POMT2: variants seen among roughly 807,000 people sequenced by gnomAD.
The protein encoded by POMT2 is protein O-mannosyl-transferase 2.
In POMT2, 75 loss-of-function variants were observed where a neutral mutation model predicts 100.0. The observed-to-expected ratio is 0.75, with a 90% CI of 0.62 to 0.91. The LOEUF (loss-of-function observed/expected upper bound fraction) is 0.91. POMT2 is among the 40% of genes least tolerant of loss of function. POMT2 has a pLI of 0.00. For missense variants in POMT2, 940 were observed against 955.1 expected (o/e 0.98, Z 0.21); for synonymous variants, 378 against 374.1 (o/e 1.01, Z -0.12).
At chr14:77,287,428 AAATTT>A (rs1167130876) in intron 11 of POMT2, among the ~76,000 whole-genome samples, 1 of 151,962 alleles carries the variant, frequency 6.6e-6, no homozygotes, top group Non-Finnish European at 1.5e-5. Context: ...ATGACAAATG[AAATTT>A]ATTTAATAAA....
Position 77,299,558 on chromosome 14 carries a change from T to A in POMT2, c.820A>T (p.Thr274Ser). ...LFGDLSLSLV[T>S]VGKHLTARVL... ...CGAGCAGTCAGGTGTTTTCCCACAG[T>A]CACCTGCAAACAGAGGCCAGCGTGG... Residue 274 changes from threonine (T) to serine (S), a missense_variant, in exon 7 of 21, where the codon ACT becomes TCT. Thr to Ser is a moderately conservative substitution (Grantham distance 58). Transcript: ENST00000261534. 1.2e-6 allele frequency: 2 copies of A among 1,613,928 alleles called. No homozygotes were observed. The highest frequency in any genetic ancestry group is 1.7e-6 in the Non-Finnish European group (2 of 1,179,856).
intron 1 of POMT2, 73 bp from the exon 2 acceptor site, chr14:77,312,106 G>A (rs1891457286): frequency 3.2e-6 from 5 of 1,570,534 alleles, no homozygotes; most frequent in Non-Finnish European, 4.3e-6. Flanking sequence ...CATAAAGCAT[G>A]GTTAAAATTA....
At chr14:77,282,892 T>C (rs1390538290) in intron 15 of POMT2, among the ~76,000 whole-genome samples, 2 of 152,222 alleles carry the variant, frequency 1.3e-5, no homozygotes, top group East Asian at 1.9e-4. Flanking sequence ...GATAATCACA[T>C]ATCTGGCTTG....
rs1423335226 is a variant in POMT2, at chr14:77,277,378, A to G, written c.2251T>C (p.Ter751ArgextTer32). Residue 751 changes from the stop codon to arginine, a stop_lost, in exon 21 of 21, where the codon TGA (stop) becomes CGA (arginine). Transcript: ENST00000261534. ...GLRWLDSWDF[*>R] ...AGGCTGGAATCTTTGCAGTGGCCTC[A>G]AAAGTCCCATGAGTCCAGCCACCTT... 6.2e-7 allele frequency: 1 copy of G among 1,610,896 alleles called. No homozygotes were observed. Among genetic ancestry groups the G allele is most frequent in the Non-Finnish European group, 8.5e-7 (1 of 1,177,082 alleles).
At chr14:77,304,448 T>C (rs541841978) in intron 4 of POMT2, among the ~76,000 whole-genome samples, 2 of 152,280 alleles carry the variant, frequency 1.3e-5, no homozygotes, top group East Asian at 3.9e-4. Flanking sequence ...AACGTGGAGG[T>C]AAATCTATTC....
intron 3 of POMT2, 126 bp from the exon 4 acceptor site, chr14:77,304,926 C>G: frequency 6.8e-7 from 1 of 1,479,742 alleles, no homozygotes; most frequent in Non-Finnish European, 9.1e-7. Context: ...GACCTAAAGT[C>G]ACCTAGGATA....
At chr14:77,295,470 A>G (rs1303645506) in intron 9 of POMT2, among the ~76,000 whole-genome samples, 1 of 151,944 alleles carries the variant, frequency 6.6e-6, no homozygotes, top group African/African-American at 2.4e-5. Flanking sequence ...GTCTCTACTA[A>G]AAATACGAAA....
At chr14:77,282,394 C>T (rs1029265311) in intron 15 of POMT2, among the ~76,000 whole-genome samples, 7 of 152,164 alleles carry the variant, frequency 4.6e-5, no homozygotes, top group South Asian at 2.1e-4. Context: ...ACTCAGCCAG[C>T]GGAAGAGCCC....
At chr14:77,312,233 G>T in intron 1 of POMT2, 200 bp from the exon 2 acceptor site, 1 of 810,658 alleles carries the variant, frequency 1.2e-6, no homozygotes, top group Non-Finnish European at 1.8e-6. Context: ...CATTTAGATA[G>T]ATGAGAAAGG....
chr14:77,280,963 G>A (rs1890205107), intron 15 of POMT2, among the ~76,000 whole-genome samples: 2 of 152,024 alleles, frequency 1.3e-5, no homozygotes, highest in Non-Finnish European at 2.9e-5. Context: ...GCGTAGCGGT[G>A]GGTGCCTGTA....
intron 2 of POMT2, among the ~76,000 whole-genome samples, chr14:77,309,351 T>C (rs949046977): frequency 1.3e-5 from 2 of 152,216 alleles, no homozygotes; most frequent in East Asian, 1.9e-4. Flanking sequence ...CCTGTTTAAG[T>C]TCCAGGTGCC....
At chr14:77,278,557 C>T in intron 19 of POMT2, 49 bp from the exon 20 acceptor site, 1 of 1,450,078 alleles carries the variant, frequency 6.9e-7, no homozygotes. Flanking sequence ...GGGGTGACTT[C>T]TGGGCTACAG....
At chr14:77,305,081 C>G (rs1214587607) in intron 3 of POMT2, among the ~76,000 whole-genome samples, 1 of 152,084 alleles carries the variant, frequency 6.6e-6, no homozygotes, top group Non-Finnish European at 1.5e-5. Context: ...AGAAAAGCAA[C>G]CAAGTAGCTA....
At chr14:77,282,088 G>T (rs1322448963) in intron 15 of POMT2, among the ~76,000 whole-genome samples, 1 of 152,306 alleles carries the variant, frequency 6.6e-6, no homozygotes, top group South Asian at 2.1e-4. Context: ...AATGAGGAAT[G>T]AATCATTCTG....
chr14:77,301,848 T>C (rs778169460), intron 5 of POMT2, among the ~76,000 whole-genome samples: 3 of 152,132 alleles, frequency 2.0e-5, no homozygotes, highest in South Asian at 2.1e-4. Flanking sequence ...TCAATGTTAG[T>C]GCTCTTAACC....
chr14:77,295,696 C>T (rs1890804821), intron 9 of POMT2, among the ~76,000 whole-genome samples: 1 of 150,722 alleles, frequency 6.6e-6, no homozygotes, highest in Non-Finnish European at 1.5e-5. Flanking sequence ...TCCAAAGTGA[C>T]ACTCTATATG....
At position 77,286,772 on chromosome 14, in the gene POMT2, T is replaced by C. The variant is rs1174694922; in HGVS notation, c.1304A>G (p.Lys435Arg). 6.2e-7 allele frequency: 1 copy of C among 1,614,202 alleles called. No homozygotes were observed. The highest frequency in any genetic ancestry group is 1.1e-5 in the South Asian group (1 of 91,080). Reference protein sequence around the residue: ...SHYHEAPMTRKHYQVTGYGIN... With the variant: ...SHYHEAPMTRRHYQVTGYGIN... ...GCCATAGCCGGTGACCTGATAGTGC[T>C]TCCGGGTCATGGGGGCCTCATGATA... Residue 435 changes from lysine to arginine, a missense_variant, in exon 12 of 21, where the codon AAG becomes AGG. Coordinates refer to ENST00000261534, the MANE Select transcript of POMT2 (RefSeq NM_013382.7).
At chr14:77,316,905 G>A (rs1004822904) in intron 1 of POMT2, among the ~76,000 whole-genome samples, 1 of 152,246 alleles carries the variant, frequency 6.6e-6, no homozygotes, top group Non-Finnish European at 1.5e-5. Context: ...AAGCTGAGAA[G>A]TGTGGAAACA....
intron 1 of POMT2, among the ~76,000 whole-genome samples, chr14:77,315,857 C>T (rs914008340): frequency 1.3e-5 from 2 of 152,104 alleles, no homozygotes; most frequent in Non-Finnish European, 2.9e-5. Context: ...ACTAAAAATA[C>T]AAAAAGGTAG....
Sources: gnomAD v4.1 joint callset for allele counts (sites outside exome capture counted in the v4.1 genomes callset) on GRCh38, gnomAD v4.1.1 for gene constraint, MANE v1.5 for transcripts, NCBI Gene and HGNC (gene_info 2026-07-23, HGNC 2026-07-21) for gene names.